MED12L: variants seen among roughly 807,000 people sequenced by gnomAD.
MED12L encodes mediator complex subunit 12L.
MED12L carries 60 observed loss-of-function variants against 281.3 expected under a neutral mutation model. The ratio of observed to expected loss-of-function variants is 0.21; its 90% CI spans 0.17 to 0.26. The LOEUF is 0.26. MED12L is among the 10% of genes least tolerant of loss of function. The pLI is 1.00. For synonymous variants in MED12L, 974 were observed against 987.2 expected (o/e 0.99, Z 0.25); for missense variants, 2,146 against 2,680.9 (o/e 0.80, Z 4.41).
chr3:151,118,014 C>T (rs1256680975), intron 3 of MED12L, among the ~76,000 whole-genome samples: 1 of 149,884 alleles, frequency 6.7e-6, no homozygotes, highest in Non-Finnish European at 1.5e-5. Flanking sequence ...TTGCTTGAAC[C>T]CAGGAGGCGG....
intron 38 of MED12L, among the ~76,000 whole-genome samples, chr3:151,392,944 T>C (rs1463693853): frequency 6.6e-6 from 1 of 152,262 alleles, no homozygotes. Flanking sequence ...GAGTCTCTTT[T>C]TACATATCAA....
At chr3:151,181,126 A>G (rs192361526) in intron 11 of MED12L, among the ~76,000 whole-genome samples, 2 of 152,112 alleles carry the variant, frequency 1.3e-5, no homozygotes, top group East Asian at 3.9e-4. Flanking sequence ...TCAAAATCCT[A>G]GGCTTATTTC....
At chr3:151,217,589 G>A (rs1309639043) in intron 16 of MED12L, among the ~76,000 whole-genome samples, 1 of 152,190 alleles carries the variant, frequency 6.6e-6, no homozygotes, top group African/African-American at 2.4e-5. Context: ...TTGCAGATGA[G>A]CCTCCAGTTT....
intron 23 of MED12L, among the ~76,000 whole-genome samples, chr3:151,367,233 A>C (rs1577458625): frequency 6.6e-6 from 1 of 152,214 alleles, no homozygotes; most frequent in African/African-American, 2.4e-5. Flanking sequence ...CCAAAACCTT[A>C]GTGAGGCTTG....
chr3:151,312,422 A>G (rs544360754), intron 16 of MED12L, among the ~76,000 whole-genome samples: 1 of 152,168 alleles, frequency 6.6e-6, no homozygotes, highest in Non-Finnish European at 1.5e-5. Flanking sequence ...ACTTCAGATC[A>G]TTTTGTTTCT....
At chr3:151,409,159 G>T in intron 39 of MED12L, 84 bp from the exon 40 acceptor site, 1 of 981,908 alleles carries the variant, frequency 1.0e-6, no homozygotes, top group Non-Finnish European at 1.5e-6. Flanking sequence ...GAGATTAGAT[G>T]TGGGTTATTT....
At chr3:151,143,416 AG>A (rs1184866670) in intron 5 of MED12L, among the ~76,000 whole-genome samples, 1 of 152,246 alleles carries the variant, frequency 6.6e-6, no homozygotes, top group Non-Finnish European at 1.5e-5. Flanking sequence ...AAGTGAAAAA[AG>A]AAAATGTAGT....
At chr3:151,357,643 G>A (rs896193830) in intron 20 of MED12L, among the ~76,000 whole-genome samples, 2 of 152,134 alleles carry the variant, frequency 1.3e-5, no homozygotes, top group Admixed American at 6.6e-5. Context: ...GTCATTTATA[G>A]CACTCTACGG....
In MED12L at chr3:151,261,559, C is replaced by T. The variant is rs76535292; in HGVS notation, c.2250+67893C>T. On this transcript the variant is annotated intron_variant, in intron 16 of 44. Coordinates refer to ENST00000687756, the MANE Select transcript of MED12L (RefSeq NM_001393769.1). ...CATAACTCCTTAAGCTGGTGGTTCT[C>T]AAAGTGTGGTTCCTGGGCCTGGATC... 437 of 152,230 alleles carry T rather than the reference C, an allele frequency of 2.9e-3. 1 individual carries two copies. The highest frequency in any genetic ancestry group is 0.01 in the Middle Eastern group (3 of 298). 9.4% of individuals were successfully genotyped at this position (152,230 alleles called of 1,614,324 possible). A position where few individuals can be genotyped will look rare whatever the true frequency, so the allele number is the denominator to read the frequency against.
intron 16 of MED12L, among the ~76,000 whole-genome samples, chr3:151,214,630 C>G (rs1727843869): frequency 6.7e-6 from 1 of 149,266 alleles, no homozygotes; most frequent in South Asian, 2.1e-4. Flanking sequence ...TTCCTTCTTC[C>G]TTTTTTTTGG....
At chr3:151,286,281 C>T (rs1743495568) in intron 16 of MED12L, among the ~76,000 whole-genome samples, 1 of 152,154 alleles carries the variant, frequency 6.6e-6, no homozygotes, top group Admixed American at 6.5e-5. Context: ...CAATACAGAA[C>T]ATAAATTTTG....
At chr3:151,143,748 T>TA (rs1717370349) in intron 5 of MED12L, among the ~76,000 whole-genome samples, 1 of 152,136 alleles carries the variant, frequency 6.6e-6, no homozygotes, top group Admixed American at 6.5e-5. Flanking sequence ...AGAAGCAAAG[T>TA]GGTGGCCTGT....
chr3:151,240,871 T>C (rs929367310), intron 16 of MED12L, among the ~76,000 whole-genome samples: 8 of 152,242 alleles, frequency 5.3e-5, no homozygotes, highest in African/African-American at 1.9e-4. Flanking sequence ...CAGATGACTT[T>C]ATTCTTCAAG....
chr3:151,192,478 C>T, intron 14 of MED12L, 72 bp from the exon 15 acceptor site: 1 of 1,066,810 alleles, frequency 9.4e-7, no homozygotes, highest in Non-Finnish European at 1.4e-6. Flanking sequence ...ATCCCACTGT[C>T]ATGTTTTAGC....
intron 2 of MED12L, among the ~76,000 whole-genome samples, chr3:151,113,293 G>A (rs1337533097): frequency 1.3e-5 from 2 of 152,190 alleles, no homozygotes; most frequent in African/African-American, 4.8e-5. Flanking sequence ...AGAGAATGCT[G>A]GGCTGGTGTG....
At chr3:151,166,750 A>G (rs1720781175) in intron 11 of MED12L, among the ~76,000 whole-genome samples, 1 of 151,392 alleles carries the variant, frequency 6.6e-6, no homozygotes, top group Non-Finnish European at 1.5e-5. Context: ...ATCTCGGCTC[A>G]CTGCAACCTC....
chr3:151,382,051 T>C (rs150268869), intron 32 of MED12L, among the ~76,000 whole-genome samples: 14 of 152,326 alleles, frequency 9.2e-5, no homozygotes, highest in African/African-American at 3.1e-4. Context: ...TGTGGCTCCC[T>C]TTCCTAAGCA....
intron 16 of MED12L, among the ~76,000 whole-genome samples, chr3:151,315,043 C>T (rs572099230): frequency 4.3e-4 from 66 of 152,266 alleles, no homozygotes; most frequent in African/African-American, 1.5e-3. Context: ...GGTGACTTTA[C>T]GTAGATTTCA....
chr3:151,287,477 C>G (rs1037843415), intron 16 of MED12L, among the ~76,000 whole-genome samples: 2 of 152,056 alleles, frequency 1.3e-5, no homozygotes, highest in African/African-American at 4.8e-5. Context: ...ATTTTCAGTT[C>G]AGGGGCCTGG....
Sources: gnomAD v4.1 joint callset for allele counts (sites outside exome capture counted in the v4.1 genomes callset) on GRCh38, gnomAD v4.1.1 for gene constraint, MANE v1.5 for transcripts, NCBI Gene and HGNC (gene_info 2026-07-23, HGNC 2026-07-21) for gene names.